The following HDLBP variants were observed in gnomAD, a reference collection of about 807,000 sequenced individuals.
HDLBP encodes vigilin.
HDLBP carries 30 observed loss-of-function variants against 137.3 expected under a neutral mutation model. The ratio of observed to expected loss-of-function variants is 0.22; its 90% confidence interval spans 0.16 to 0.30. HDLBP has a LOEUF of 0.30. Among genes scored for constraint, HDLBP ranks in the 10% least tolerant of loss-of-function variants. The probability of loss-of-function intolerance (pLI) is 1.00; values close to 1 mark genes in which losing one functional copy is unlikely to be tolerated. For synonymous variants in HDLBP, 606 were observed against 596.0 expected, an observed-to-expected ratio of 1.02 and a Z score of -0.24; for missense variants, 1,119 against 1,667.3, an observed-to-expected ratio of 0.67 and a Z score of 5.73.
intron 17 of HDLBP, 93 bp downstream of exon 17, chr2:241,242,367 A>T (rs1414314467): frequency 9.5e-7 from 1 of 1,056,054 alleles, no homozygotes; most frequent in Non-Finnish European, 1.4e-6. Flanking sequence ...GCCACAAAGG[A>T]AGGGCATTCA....
rs1353921759 is a variant in HDLBP at position 241,230,174 on chromosome 2, G to A, written c.3570C>T (p.Ile1190=). 2 of 1,612,954 alleles carry A rather than the reference G, an allele frequency of 1.2e-6. No individual in the cohort carries two copies. The highest frequency in any genetic ancestry group is 2.2e-5 in the East Asian group (1 of 44,874). Reference sequence around the variant, plus strand: ...TCACGTATTCCTCCTCCAGATTGAGGATGTGGTCGATGGCTTCCTCCACAT... The same window carrying A: ...TCACGTATTCCTCCTCCAGATTGAGAATGTGGTCGATGGCTTCCTCCACAT... ...PENVEEAIDH[I]LNLEEEYLAD... Residue 1190 remains isoleucine (I), a synonymous_variant, in exon 26 of 28, where the codon ATC becomes ATT. Transcript: ENST00000310931. The surrounding 1 kb of genome is among the most constrained non-coding windows in gnomAD (Gnocchi z 5.0).
chr2:241,248,562 G>A (rs1434502414), intron 12 of HDLBP, among the ~76,000 whole-genome samples: 1 of 152,108 alleles, frequency 6.6e-6, no homozygotes, highest in Admixed American at 6.5e-5. Context: ...GCTACACTCC[G>A]CAACATGGGC....
rs2069670998 is a variant in HDLBP at position 241,230,972 on chromosome 2, G to C, written c.3289-28C>G. On this transcript the variant is annotated intron_variant, in intron 24 of 27. Coordinates refer to ENST00000310931, the MANE Select transcript of HDLBP (RefSeq NM_005336.6). This position sits in a 1 kb window ranked among gnomAD's most constrained non-coding sequence, Gnocchi z 5.0. The stretch of plus-strand genomic sequence containing the variant: ...AAAAAAGGAGAATGTAGTCAGAAAA[G>C]GGGATGCCTTACTGGGATTCCCGTC... 1 of 1,597,924 alleles carries C rather than the reference G, an allele frequency of 6.3e-7. No homozygotes were observed. Among genetic ancestry groups the C allele is most frequent in the African/African-American group, 1.3e-5 (1 of 74,582 alleles).
chr2:241,275,310 T>C (rs2074349699), intron 1 of HDLBP, among the ~76,000 whole-genome samples: 1 of 152,098 alleles, frequency 6.6e-6, no homozygotes, highest in African/African-American at 2.4e-5. Flanking sequence ...GAAGTAGGAT[T>C]AGACTCAAGA....
chr2:241,265,899 A>G (rs1164462723), intron 3 of HDLBP, among the ~76,000 whole-genome samples: 2 of 152,234 alleles, frequency 1.3e-5, no homozygotes, highest in African/African-American at 4.8e-5. Flanking sequence ...AGAACAAAGC[A>G]GCTTCTCGGG....
chr2:241,236,251 G>A, intron 21 of HDLBP: 1 of 300,226 alleles, frequency 3.3e-6, no homozygotes, highest in South Asian at 4.5e-5. Context: ...CACACAAGGT[G>A]AGCTAGGCCT....
At chr2:241,308,867 T>C (rs1482963713) in intron 1 of HDLBP, among the ~76,000 whole-genome samples, 4 of 152,186 alleles carry the variant, frequency 2.6e-5, no homozygotes, top group African/African-American at 7.2e-5. Flanking sequence ...TGGGTCACTC[T>C]GCTCCAGCTC....
intron 1 of HDLBP, among the ~76,000 whole-genome samples, chr2:241,307,460 T>C (rs62186420): frequency 0.31 from 47,438 of 151,792 alleles, 8,175 homozygotes; most frequent in East Asian, 0.51. Context: ...CGAATAATGG[T>C]TTAATTAACA....
chr2:241,311,064 T>C (rs2075742577), intron 1 of HDLBP, among the ~76,000 whole-genome samples: 1 of 151,738 alleles, frequency 6.6e-6, no homozygotes, highest in South Asian at 2.1e-4. Flanking sequence ...CAGTGAGCTA[T>C]GACAGCGCCA....
chr2:241,314,969 C>A (rs1197718932), intron 1 of HDLBP: 1 of 152,186 alleles, frequency 6.6e-6, no homozygotes, highest in South Asian at 2.1e-4. Flanking sequence ...AAAGGACACC[C>A]CGGGCCGGGG....
At chr2:241,314,955 G>A (rs1291153630) in intron 1 of HDLBP, 1 of 152,164 alleles carries the variant, frequency 6.6e-6, no homozygotes, top group East Asian at 1.9e-4. Context: ...ACGCGGGAGG[G>A]AGGAAAGGAC....
At chr2:241,247,318 C>A (rs147442033) in intron 14 of HDLBP, 176 bp from the exon 15 acceptor site, 2 of 607,006 alleles carry the variant, frequency 3.3e-6, no homozygotes, top group East Asian at 5.6e-5. Flanking sequence ...AACTAACTTA[C>A]GTTGCAAATT....
Position 241,239,562 on chromosome 2 carries a change from TG to T in HDLBP, c.2610+39del, listed in dbSNP as rs757818850. 6.5e-7 allele frequency: 1 copy of T among 1,534,650 alleles called. No individual in the cohort carries two copies. The highest frequency in any genetic ancestry group is 1.1e-5 in the South Asian group (1 of 89,098). The stretch of plus-strand genomic sequence containing the variant: ...ATACACGGCTTCGGTGAGTGGCCAC[TG>T]GGGGGTGAGAACCCCTCCCCGAGCA... On this transcript the variant is annotated intron_variant, in intron 19 of 27. Coordinates refer to ENST00000310931, the MANE Select transcript of HDLBP (RefSeq NM_005336.6). The surrounding 1 kb of genome is among the most constrained non-coding windows in gnomAD (Gnocchi z 4.6).
intron 9 of HDLBP, 110 bp downstream of exon 9, chr2:241,254,941 C>A (rs1195125140): frequency 1.2e-6 from 1 of 818,726 alleles, no homozygotes; most frequent in South Asian, 1.5e-5. Flanking sequence ...CAGAAAAATA[C>A]ACCAGTTTTC....
intron 4 of HDLBP, among the ~76,000 whole-genome samples, chr2:241,263,299 T>C (rs992908174): frequency 5.9e-5 from 9 of 152,252 alleles, no homozygotes; most frequent in East Asian, 1.9e-4. Context: ...ACTAAGGGTG[T>C]ACAGGCAGGA....
rs1439229959 is a variant in HDLBP, at chr2:241,239,745, A to G, written c.2467T>C (p.Leu823=). Residue 823 remains leucine, a synonymous_variant, in exon 19 of 28, where the codon TTG becomes CTG. Transcript: ENST00000310931. This position sits in a 1 kb window ranked among gnomAD's most constrained non-coding sequence, Gnocchi z 4.6. ...RHFVIRRGQV[L]REIAEEYGGV... ...CCATACTCTTCAGCAATCTCCCGCAAGACCTGGCCTCTGCGGATGACGAAG... is the reference window on the plus strand; with the variant it reads ...CCATACTCTTCAGCAATCTCCCGCAGGACCTGGCCTCTGCGGATGACGAAG... 2.5e-6 allele frequency: 4 copies of G among 1,614,098 alleles called. No homozygotes were observed. In the African/African-American group the frequency reaches 4.0e-5, roughly 16 times the overall value.
At position 241,233,770 on chromosome 2, in the gene HDLBP, A is replaced by G; in HGVS notation, c.3288+50T>C. 1.2e-6 allele frequency: 2 copies of G among 1,609,410 alleles called. No individual in the cohort carries two copies. The highest frequency in any genetic ancestry group is 1.7e-6 in the Non-Finnish European group (2 of 1,177,186). ...TGGTTACTGCTCCCAAGTCACAGGA[A>G]AGGTCAACAAGCACCTCTGCCCCCG... On this transcript the variant is annotated intron_variant, in intron 24 of 27. Transcript: ENST00000310931. The surrounding 1 kb of genome is among the most constrained non-coding windows in gnomAD (Gnocchi z 4.3).
At position 241,233,723 on chromosome 2, in the gene HDLBP, C is replaced by T. The variant is rs560377773; in HGVS notation, c.3288+97G>A. 1.7e-4 allele frequency: 238 copies of T among 1,402,720 alleles called. 2 individuals are homozygous for T. The East Asian group carries it at 4.0e-3, about 24-fold the overall frequency. The allele number at this position is 1,402,720 out of a possible 1,614,324, so 86.9% of individuals were successfully genotyped here. ...GACTTGCCACTCTCAACTTGGCCCT[C>T]GAACCCCCATCTAGGCACATCTGGT... On this transcript the variant is annotated intron_variant, in intron 24 of 27. Coordinates refer to ENST00000310931, the MANE Select transcript of HDLBP (RefSeq NM_005336.6). The surrounding 1 kb of genome is among the most constrained non-coding windows in gnomAD (Gnocchi z 4.3).
chr2:241,292,673 C>G (rs10194552), intron 1 of HDLBP, among the ~76,000 whole-genome samples: 9,214 of 152,094 alleles, frequency 0.061, 943 homozygotes, highest in African/African-American at 0.21. Flanking sequence ...TTAAAATACT[C>G]AAATGAAAAA....
Sources: gnomAD v4.1 joint callset for allele counts (sites outside exome capture counted in the v4.1 genomes callset) on GRCh38, gnomAD v4.1.1 for gene constraint, Gnocchi (gnomAD v3.1) non-coding constraint, MANE v1.5 for transcripts, NCBI Gene and HGNC (gene_info 2026-07-23, HGNC 2026-07-21) for gene names.